The following ZNF827 variants were observed in gnomAD, a reference collection of about 807,000 sequenced individuals.
ZNF827 encodes zinc finger protein 827.
A neutral mutation model predicts 102.4 loss-of-function variants in ZNF827; 13 were observed. The observed-to-expected ratio is 0.13, with a 90% CI of 0.08 to 0.20. The LOEUF (loss-of-function observed/expected upper bound fraction) is 0.20, where lower values mean the gene tolerates loss of function less well. Among genes scored for constraint, ZNF827 ranks in the 10% least tolerant of loss-of-function variants. The pLI is 1.00. For missense variants in ZNF827, 1,103 were observed against 1,344.4 expected (o/e 0.82, Z 2.81); for synonymous variants, 523 against 536.2 (o/e 0.98, Z 0.34).
rs756344569 is a variant in ZNF827, at chr4:145,902,779, G to A, written c.480C>T (p.Ser160=). The A allele has an allele frequency of 1.2e-6, 2 of 1,614,084 alleles. No individual in the cohort carries two copies. The highest frequency in any genetic ancestry group is 1.7e-6 in the Non-Finnish European group (2 of 1,180,014). ...VGSNLSFSPP[S]HHAQQLSVLA... Reference sequence around the variant, plus strand: ...GAACACTGAGCTGCTGGGCGTGGTGGGAAGGCGGGGAAAAGGAGAGGTTCG... The same window carrying A: ...GAACACTGAGCTGCTGGGCGTGGTGAGAAGGCGGGGAAAAGGAGAGGTTCG... The change falls in exon 2 of 15, where the codon TCC becomes TCT. Residue 160 remains serine (S), a synonymous_variant. Coordinates refer to ENST00000508784, the MANE Select transcript of ZNF827 (RefSeq NM_001306215.2). This position sits in a 1 kb window ranked among gnomAD's most constrained non-coding sequence, Gnocchi z 4.3.
intron 11 of ZNF827, 127 bp downstream of exon 11, chr4:145,774,379 G>C (rs1008664509): frequency 9.5e-7 from 1 of 1,056,242 alleles, no homozygotes; most frequent in African/African-American, 1.6e-5. Context: ...CCTTGGGAAA[G>C]TCCTTCCTTC....
chr4:145,809,892 G>C (rs1482151037), intron 8 of ZNF827, among the ~76,000 whole-genome samples: 1 of 152,152 alleles, frequency 6.6e-6, no homozygotes, highest in Non-Finnish European at 1.5e-5. Context: ...ACTCATCTGA[G>C]TGATAACTCC....
Position 145,760,763 on chromosome 4 carries a change from C to T in ZNF827, c.*853G>A. 3.7e-6 allele frequency: 3 copies of T among 813,366 alleles called. No homozygotes were observed. The highest frequency in any genetic ancestry group is 4.5e-6 in the Non-Finnish European group (3 of 665,004). The allele number at this position is 813,366 out of a possible 1,614,324, so 50.4% of individuals were successfully genotyped here. ...GTCTTTTGTCTCTCTGTTTTTGGTA[C>T]AGAACATGGCTGCCCTCAGACAGTC... is the stretch of plus-strand genomic sequence containing the variant. On this transcript the variant is annotated 3_prime_UTR_variant, in exon 15 of 15. Transcript: ENST00000508784.
At chr4:145,814,636 A>AC (rs1553990163) in intron 8 of ZNF827, among the ~76,000 whole-genome samples, 1 of 151,680 alleles carries the variant, frequency 6.6e-6, no homozygotes, top group Non-Finnish European at 1.5e-5. Flanking sequence ...AAACAAACAA[A>AC]AACTAGGCCT....
intron 8 of ZNF827, among the ~76,000 whole-genome samples, chr4:145,812,946 G>A (rs1742184147): frequency 6.6e-6 from 1 of 152,108 alleles, no homozygotes; most frequent in Non-Finnish European, 1.5e-5. Context: ...ATATTAAATG[G>A]AAAATTCCAC....
At chr4:145,862,720 T>C (rs894966248) in intron 5 of ZNF827, among the ~76,000 whole-genome samples, 1 of 152,214 alleles carries the variant, frequency 6.6e-6, no homozygotes, top group Admixed American at 6.5e-5. Context: ...CACTGAGGTA[T>C]TATTCAATAA....
At chr4:145,885,618 GA>G in intron 4 of ZNF827, 59 bp downstream of exon 4, 3 of 401,594 alleles carry the variant, frequency 7.5e-6, no homozygotes, top group Non-Finnish European at 9.8e-6. Flanking sequence ...GACAGAGAGA[GA>G]GAGAGAGAGA....
chr4:145,852,160 A>G (rs976098268), intron 5 of ZNF827, among the ~76,000 whole-genome samples: 1 of 152,232 alleles, frequency 6.6e-6, no homozygotes, highest in African/African-American at 2.4e-5. Context: ...GATTCACTTC[A>G]TTTAAAAAAA....
At chr4:145,869,002 A>T (rs943830566) in intron 5 of ZNF827, among the ~76,000 whole-genome samples, 3 of 152,240 alleles carry the variant, frequency 2.0e-5, no homozygotes, top group Admixed American at 6.5e-5. Context: ...CCTTTATAAA[A>T]ATATTCAGCT....
intron 8 of ZNF827, among the ~76,000 whole-genome samples, chr4:145,786,378 A>C (rs1297458205): frequency 6.6e-6 from 1 of 152,214 alleles, no homozygotes; most frequent in African/African-American, 2.4e-5. Context: ...TGTAAGCAAA[A>C]GATTGGCCAA....
chr4:145,882,321 GTCA>G (rs1749737378), intron 4 of ZNF827, among the ~76,000 whole-genome samples: 1 of 149,894 alleles, frequency 6.7e-6, no homozygotes, highest in African/African-American at 2.5e-5. Context: ...TCATTTTTCT[GTCA>G]GCCCTGAAAG....
rs1047824671 is a variant in ZNF827 at position 145,758,567 on chromosome 4, A to G, written c.*3049T>C. On this transcript the variant is annotated 3_prime_UTR_variant, in exon 15 of 15. Coordinates refer to ENST00000508784, the MANE Select transcript of ZNF827 (RefSeq NM_001306215.2). ...GGCACATTCTCCATTATATGGGGATAAAGACATGACTTGAAAACAAAACAA... is the reference window on the plus strand; with the variant it reads ...GGCACATTCTCCATTATATGGGGATGAAGACATGACTTGAAAACAAAACAA... The G allele has an allele frequency of 1.3e-5, 2 of 150,944 alleles. No individual in the cohort carries two copies. The highest frequency in any genetic ancestry group is 2.9e-5 in the Non-Finnish European group (2 of 67,956). The allele number at this position is 150,944 out of a possible 1,614,324, so 9.4% of individuals were successfully genotyped here. A position where few individuals can be genotyped will look rare whatever the true frequency, so the allele number is the denominator to read the frequency against.
chr4:145,763,219 A>C lies in ZNF827; in HGVS notation c.3231-97T>G. On this transcript the variant is annotated intron_variant, in intron 13 of 14. Coordinates refer to ENST00000508784, the MANE Select transcript of ZNF827 (RefSeq NM_001306215.2). This position sits in a 1 kb window ranked among gnomAD's most constrained non-coding sequence, Gnocchi z 4.6. ...GTTCCATCACAGAAAAGCAATTTAG[A>C]CATCAGCAGTCTGTTTCATTTTAAG... 8.3e-7 allele frequency: 1 copy of C among 1,202,750 alleles called. No homozygotes were observed. The highest frequency in any genetic ancestry group is 1.2e-6 in the Non-Finnish European group (1 of 859,144). 74.5% of individuals were successfully genotyped at this position (1,202,750 alleles called of 1,614,324 possible).
chr4:145,860,457 G>C (rs1045119009), intron 5 of ZNF827, among the ~76,000 whole-genome samples: 10 of 152,192 alleles, frequency 6.6e-5, no homozygotes, highest in African/African-American at 2.4e-4. Flanking sequence ...GTAGTAGTAG[G>C]AAGTAAAGAA....
At chr4:145,930,707 G>A (rs1246058694) in intron 1 of ZNF827, among the ~76,000 whole-genome samples, 1 of 152,162 alleles carries the variant, frequency 6.6e-6, no homozygotes, top group Non-Finnish European at 1.5e-5. Context: ...TGAATTTGCT[G>A]CATTTAGTAT....
intron 7 of ZNF827, chr4:145,831,624 T>C (rs560853657): frequency 2.0e-5 from 3 of 152,360 alleles, no homozygotes; most frequent in South Asian, 4.1e-4. Context: ...CTGTGGCCAA[T>C]GAAACAGAAA....
At chr4:145,802,348 G>A (rs1740994335) in intron 8 of ZNF827, among the ~76,000 whole-genome samples, 1 of 152,168 alleles carries the variant, frequency 6.6e-6, no homozygotes, top group Admixed American at 6.5e-5. Flanking sequence ...TGATTCCTTT[G>A]TTTTATTTGT....
intron 1 of ZNF827, among the ~76,000 whole-genome samples, chr4:145,934,857 A>G (rs1754047417): frequency 6.6e-6 from 1 of 152,214 alleles, no homozygotes; most frequent in Admixed American, 6.5e-5. Flanking sequence ...AGGAAGTGGA[A>G]AGCCCTCCGA....
At chr4:145,814,965 C>T (rs1198091596) in intron 8 of ZNF827, among the ~76,000 whole-genome samples, 1 of 151,774 alleles carries the variant, frequency 6.6e-6, no homozygotes, top group Non-Finnish European at 1.5e-5. Context: ...ACAAAAAAAC[C>T]CAAAAATTGC....
Sources: gnomAD v4.1 joint callset for allele counts (sites outside exome capture counted in the v4.1 genomes callset) on GRCh38, gnomAD v4.1.1 for gene constraint, Gnocchi (gnomAD v3.1) non-coding constraint, MANE v1.5 for transcripts, NCBI Gene and HGNC (gene_info 2026-07-23, HGNC 2026-07-21) for gene names.